PRUNE1: variants seen among roughly 807,000 people sequenced by gnomAD.
PRUNE1 encodes exopolyphosphatase PRUNE1.
In PRUNE1, 25 loss-of-function variants were observed where a neutral mutation model predicts 42.5. The ratio of observed to expected loss-of-function variants is 0.59; its 90% CI spans 0.43 to 0.82. The LOEUF is 0.82. PRUNE1 is among the 40% of genes least tolerant of loss of function. PRUNE1 has a pLI of 0.00. For synonymous variants in PRUNE1, 203 were observed against 217.1 expected (o/e 0.93, Z 0.57); for missense variants, 443 against 539.3 (o/e 0.82, Z 1.77).
chr1:151,031,754 A>G (rs587722413), intron 7 of PRUNE1, among the ~76,000 whole-genome samples: 5 of 152,210 alleles, frequency 3.3e-5, no homozygotes, highest in African/African-American at 1.2e-4. Flanking sequence ...CTCTAGATAA[A>G]TTCTAGTTCC....
chr1:151,025,714 A>G, intron 5 of PRUNE1, 41 bp downstream of exon 5: 1 of 1,568,562 alleles, frequency 6.4e-7, no homozygotes, highest in East Asian at 2.2e-5. Context: ...CCAGATAAGA[A>G]AACAGAAAGG....
intron 6 of PRUNE1, 110 bp downstream of exon 6, chr1:151,027,437 C>T: frequency 1.4e-6 from 1 of 733,360 alleles, no homozygotes. Flanking sequence ...TATCTTGTGT[C>T]TATCTTTGTC....
chr1:151,017,854 G>C lies in PRUNE1; in HGVS notation c.82G>C (p.Asp28His). 1 of 1,608,014 alleles carries C rather than the reference G, an allele frequency of 6.2e-7. No homozygotes were observed. The highest frequency in any genetic ancestry group is 1.1e-5 in the South Asian group (1 of 90,950). The change falls in exon 2 of 8, where the codon GAT becomes CAT. Residue 28 changes from aspartate to histidine, a missense_variant. Asp to His is a moderately conservative substitution (Grantham distance 81). Coordinates refer to ENST00000271620, the MANE Select transcript of PRUNE1 (RefSeq NM_021222.3). ...LHVVLGNEACDLDSTVSALAL... is the reference protein window; with the variant it reads ...LHVVLGNEACHLDSTVSALAL... ...TGTTGTGCTGGGAAATGAAGCCTGT[G>C]ATTTGGACTCCACAGTGTCTGCTCT...
At chr1:151,014,982 A>C (rs1674008881) in intron 1 of PRUNE1, among the ~76,000 whole-genome samples, 1 of 151,960 alleles carries the variant, frequency 6.6e-6, no homozygotes, top group Admixed American at 6.6e-5. Flanking sequence ...ACTTGAGCCC[A>C]GGAGTTCGAG....
intron 6 of PRUNE1, 62 bp downstream of exon 6, chr1:151,027,389 G>T: frequency 1.7e-6 from 2 of 1,193,706 alleles, no homozygotes; most frequent in Non-Finnish European, 2.5e-6. Flanking sequence ...TGTTATGCAT[G>T]TGGCCTTGCA....
rs1359830129 is a variant in PRUNE1, at chr1:151,034,025, A to C, written c.1153A>C (p.Lys385Gln). The stretch of plus-strand genomic sequence containing the variant: ...AGATGTGTCCAGGGAGCAAGTGGAC[A>C]AGGAATTGGACAGGGCAAGTAACTC... ...TADVSREQVDKELDRASNSLI... is the reference protein window; with the variant it reads ...TADVSREQVDQELDRASNSLI... Residue 385 changes from lysine (K) to glutamine (Q), a missense_variant, in exon 8 of 8, where the codon AAG becomes CAG. Coordinates refer to ENST00000271620, the MANE Select transcript of PRUNE1 (RefSeq NM_021222.3). 2 of 1,614,214 alleles carry C rather than the reference A, an allele frequency of 1.2e-6. No homozygotes were observed. The highest frequency in any genetic ancestry group is 1.7e-6 in the Non-Finnish European group (2 of 1,180,030).
Position 151,027,029 on chromosome 1 carries a change from G to A in PRUNE1, c.680-204G>A, listed in dbSNP as rs587713864. On this transcript the variant is annotated intron_variant, in intron 5 of 7. Transcript: ENST00000271620. ...CCAAACTCCTGACCTCAGGTGATCCGCCCACCTCAGCCTCCCAAAGTGCTG... is the reference window on the plus strand; with the variant it reads ...CCAAACTCCTGACCTCAGGTGATCCACCCACCTCAGCCTCCCAAAGTGCTG... 1.9e-3 allele frequency among the ~76,000 whole-genome samples: 286 copies of A among 151,744 alleles called. 1 individual carries two copies. The highest frequency in any genetic ancestry group is 6.1e-3 in the African/African-American group (253 of 41,392).
chr1:151,012,669 T>A (rs1673846561), intron 1 of PRUNE1, among the ~76,000 whole-genome samples: 1 of 152,204 alleles, frequency 6.6e-6, no homozygotes, highest in Admixed American at 6.5e-5. Context: ...AGAAAGAAGA[T>A]GGGAGATCAC....
intron 1 of PRUNE1, among the ~76,000 whole-genome samples, chr1:151,016,903 G>A (rs1674135701): frequency 6.6e-6 from 1 of 151,578 alleles, no homozygotes. Context: ...GCTCACGCCT[G>A]TAATCCCAGC....
At chr1:151,011,816 G>A (rs1219402826) in intron 1 of PRUNE1, among the ~76,000 whole-genome samples, 2 of 149,642 alleles carry the variant, frequency 1.3e-5, no homozygotes, top group East Asian at 1.9e-4. Flanking sequence ...GTCTCGCTCT[G>A]TCACCAGGCT....
rs1470239046 is a variant in PRUNE1 at position 151,025,733 on chromosome 1, G to C, written c.679+60G>C. On this transcript the variant is annotated intron_variant, in intron 5 of 7. Transcript: ENST00000271620. Reference sequence around the variant, plus strand: ...ATAAGAAAACAGAAAGGCAAGCCTTGTTCATTATATTATTTTTTTTTTTTT... The same window carrying C: ...ATAAGAAAACAGAAAGGCAAGCCTTCTTCATTATATTATTTTTTTTTTTTT... 3.4e-6 allele frequency: 5 copies of C among 1,459,714 alleles called. No individual in the cohort carries two copies. In the East Asian group the frequency reaches 9.3e-5, roughly 27 times the overall value. The allele number at this position is 1,459,714 out of a possible 1,614,324, so 90.4% of individuals were successfully genotyped here.
At chr1:151,011,049 T>C (rs1442707944) in intron 1 of PRUNE1, among the ~76,000 whole-genome samples, 1 of 152,218 alleles carries the variant, frequency 6.6e-6, no homozygotes, top group Admixed American at 6.5e-5. Flanking sequence ...AAAGATCATT[T>C]TTCTTTTCTC....
At chr1:151,032,770 C>T (rs1254932718) in intron 7 of PRUNE1, among the ~76,000 whole-genome samples, 2 of 151,436 alleles carry the variant, frequency 1.3e-5, no homozygotes, top group Non-Finnish European at 2.9e-5. Context: ...AACAATAAAA[C>T]CGAACTCTGG....
intron 1 of PRUNE1, among the ~76,000 whole-genome samples, chr1:151,015,026 T>C (rs1399456049): frequency 6.6e-6 from 1 of 151,958 alleles, no homozygotes; most frequent in Non-Finnish European, 1.5e-5. Context: ...ACCCCATCTC[T>C]ACAAAAAATG....
In PRUNE1 at chr1:151,023,719, GA is replaced by G. The variant is rs60113699; in HGVS notation, c.336-877del. Among the ~76,000 whole-genome samples the G allele has an allele frequency of 9.9e-3, 1,100 of 111,418 alleles. 15 individuals are homozygous for G. Among genetic ancestry groups the G allele is most frequent in the East Asian group, 0.074 (299 of 4,052 alleles). The allele number at this position is 111,418 out of a possible 152,430, so 73.1% of individuals were successfully genotyped here. ...GGCGACACAGCGAGATTCCGTCTTA[GA>G]AAAAAAAAAAAAAAGGAGAAATTTA... On this transcript the variant is annotated intron_variant, in intron 3 of 7. Transcript: ENST00000271620.
At chr1:151,027,173 T>C in intron 5 of PRUNE1, 60 bp from the exon 6 acceptor site, 1 of 1,274,666 alleles carries the variant, frequency 7.8e-7, no homozygotes. Flanking sequence ...GTCCTTGCCT[T>C]CTTGGTCTTG....
intron 1 of PRUNE1, among the ~76,000 whole-genome samples, chr1:151,013,589 TTCTCCAGCATCTC>T (rs1280007896): frequency 6.6e-5 from 10 of 152,186 alleles, no homozygotes; most frequent in Non-Finnish European, 1.5e-4. Context: ...CGTGGAAAGG[TTCTCCAGCATCTC>T]TTTGGACCCT....
intron 3 of PRUNE1, among the ~76,000 whole-genome samples, chr1:151,021,580 G>A (rs1674441502): frequency 2.0e-5 from 3 of 152,090 alleles, no homozygotes. Context: ...ACACGATTAT[G>A]TGACTTTCCT....
At chr1:151,023,814 G>A (rs1320482297) in intron 3 of PRUNE1, among the ~76,000 whole-genome samples, 1 of 152,044 alleles carries the variant, frequency 6.6e-6, no homozygotes, top group African/African-American at 2.4e-5. Flanking sequence ...GCAAATGTGG[G>A]GGTAAGATAT....
Sources: gnomAD v4.1 joint callset for allele counts (sites outside exome capture counted in the v4.1 genomes callset) on GRCh38, gnomAD v4.1.1 for gene constraint, MANE v1.5 for transcripts, NCBI Gene and HGNC (gene_info 2026-07-23, HGNC 2026-07-21) for gene names.